SATB2: variants seen among roughly 807,000 people sequenced by gnomAD.
The protein encoded by SATB2 is DNA-binding protein SATB2.
In SATB2, 1 loss-of-function variant was observed where a neutral mutation model predicts 73.4. The observed-to-expected ratio is 0.01, with a 90% CI of 0.00 to 0.06. The LOEUF is 0.06. Ranked by LOEUF, SATB2 falls within the 10% of genes least tolerant of loss-of-function variation. The pLI is 1.00. For missense variants in SATB2, 459 were observed against 945.8 expected (o/e 0.49, Z 6.75); for synonymous variants, 397 against 367.0 (o/e 1.08, Z -0.93).
intron 3 of SATB2, 57 bp from the exon 4 acceptor site, chr2:199,381,877 A>G: frequency 6.3e-7 from 1 of 1,590,574 alleles, no homozygotes; most frequent in East Asian, 2.2e-5. Flanking sequence ...AAACCTTCCC[A>G]TTGTTTGTTC....
chr2:199,466,317 G>T (rs1692592442), upstream of SATB2, among the ~76,000 whole-genome samples: 1 of 152,190 alleles, frequency 6.6e-6, no homozygotes, highest in Non-Finnish European at 1.5e-5. Context: ...AATCTGAGCT[G>T]TGGGTGTACA....
In SATB2 at chr2:199,349,102, T is replaced by C. The variant is rs200074373; in HGVS notation, c.772A>G (p.Met258Val). 5 of 1,614,106 alleles carry C rather than the reference T, an allele frequency of 3.1e-6. No homozygotes were observed. The African/African-American group carries it at 4.0e-5, about 13-fold the overall frequency. The change falls in exon 7 of 11, where the codon ATG (methionine) becomes GTG (valine). Residue 258 changes from methionine (M) to valine (V), a missense_variant. Physicochemically the swap from Met to Val is conservative, Grantham distance 21. Transcript: ENST00000417098. Reference protein sequence around the residue: ...LGQRPMHLPNMNQLASLGKTN... With the variant: ...LGQRPMHLPNVNQLASLGKTN... ...TTCCCCAGGGATGCCAGCTGGTTCA[T>C]ATTTGGTAAATGCATTGGACGCTGG...
intron 9 of SATB2, among the ~76,000 whole-genome samples, chr2:199,313,333 G>A (rs2105775666): frequency 6.6e-6 from 1 of 152,284 alleles, no homozygotes; most frequent in South Asian, 2.1e-4. Context: ...GAGCCTAAGT[G>A]TAATAATACC....
intron 9 of SATB2, among the ~76,000 whole-genome samples, chr2:199,313,009 C>T (rs1395019384): frequency 6.6e-6 from 1 of 152,086 alleles, no homozygotes; most frequent in African/African-American, 2.4e-5. Flanking sequence ...ATGTGGTTGC[C>T]GGCTACGATC....
intron 6 of SATB2, among the ~76,000 whole-genome samples, chr2:199,359,699 T>C (rs1689083515): frequency 6.6e-6 from 1 of 152,192 alleles, no homozygotes; most frequent in Admixed American, 6.5e-5. Context: ...AAAATGGATA[T>C]GTTCCTGTGT....
rs572634532 is a variant in SATB2, at chr2:199,401,469, C to A, written c.347-19649G>T. On this transcript the variant is annotated intron_variant, in intron 3 of 10. Transcript: ENST00000417098. ...TAGGGAGCCTGAGGCAGGAGAATTG[C>A]TTGAACCCGGGAGGCGGAGGTTGCA... Among the ~76,000 whole-genome samples, 146 of 151,456 alleles carry A rather than the reference C, an allele frequency of 9.6e-4. 2 individuals are homozygous for A. The highest frequency in any genetic ancestry group is 3.2e-3 in the African/African-American group (134 of 41,306).
intron 10 of SATB2, among the ~76,000 whole-genome samples, chr2:199,275,001 T>C (rs558368766): frequency 2.6e-5 from 4 of 152,100 alleles, no homozygotes; most frequent in Non-Finnish European, 5.9e-5. Flanking sequence ...ATGTGCAAAG[T>C]ATATACTGGA....
intron 3 of SATB2, among the ~76,000 whole-genome samples, chr2:199,403,322 A>G (rs1690536837): frequency 6.6e-6 from 1 of 150,920 alleles, no homozygotes; most frequent in Non-Finnish European, 1.5e-5. Flanking sequence ...ATTGTATTGT[A>G]TAATATTGTA....
At chr2:199,281,309 C>T (rs913873038) in intron 10 of SATB2, among the ~76,000 whole-genome samples, 9 of 149,664 alleles carry the variant, frequency 6.0e-5, no homozygotes, top group Middle Eastern at 3.6e-3. Context: ...TATGAGAAAT[C>T]ATTAAGGAGG....
At position 199,433,417 on chromosome 2, in the gene SATB2, T is replaced by C. The variant is rs991579763; in HGVS notation, c.267A>G (p.Lys89=). The part of the protein sequence containing the change: ...EEHAEFVLVR[K]DVLFSQLVET... ...CCACCAGCTGGCTAAAAAGCACATC[T>C]TTCCGCACCAGGACAAACTCGGCGT... The change falls in exon 3 of 11, where the codon AAA becomes AAG. Residue 89 remains lysine, a synonymous_variant. Coordinates refer to ENST00000417098, the MANE Select transcript of SATB2 (RefSeq NM_001172509.2). 22 of 1,614,048 alleles carry C rather than the reference T, an allele frequency of 1.4e-5. No homozygotes were observed. The highest frequency in any genetic ancestry group is 1.8e-5 in the Non-Finnish European group (21 of 1,180,034).
intron 6 of SATB2, among the ~76,000 whole-genome samples, chr2:199,351,029 CA>C (rs35503848): frequency 0.015 from 1,111 of 71,724 alleles, 8 homozygotes; most frequent in African/African-American, 0.045. Context: ...ACTCTGTCTC[CA>C]AAAAAAAAAA....
At chr2:199,279,163 A>G (rs1376219381) in intron 10 of SATB2, among the ~76,000 whole-genome samples, 1 of 152,244 alleles carries the variant, frequency 6.6e-6, no homozygotes, top group African/African-American at 2.4e-5. Context: ...AGTTGTAAAT[A>G]TACTCAAAAG....
At chr2:199,460,014 A>T (rs1278880796), upstream of SATB2, 3 of 152,214 alleles carry the variant, frequency 2.0e-5, no homozygotes, top group Admixed American at 6.5e-5. This position sits in a 1 kb window ranked among gnomAD's most constrained non-coding sequence, Gnocchi z 4.0. Flanking sequence ...GTTCCAAAGA[A>T]GTCCGAGGCG....
In SATB2 at chr2:199,342,135, C is replaced by T. The variant is rs193015838; in HGVS notation, c.1173+6566G>A. Among the ~76,000 whole-genome samples the T allele has an allele frequency of 5.0e-4, 76 of 152,226 alleles. 5 individuals are homozygous for T. The East Asian group carries it at 5.6e-3, about 11-fold the overall frequency. On this transcript the variant is annotated intron_variant, in intron 7 of 10. Coordinates refer to ENST00000417098, the MANE Select transcript of SATB2 (RefSeq NM_001172509.2). ...GTTAACGGAAAAGCCTAACAGCAGA[C>T]GCAGGCTTTCAGAAGTAAAACCATG...
intron 3 of SATB2, among the ~76,000 whole-genome samples, chr2:199,398,827 T>A (rs183438141): frequency 4.6e-5 from 7 of 152,208 alleles, no homozygotes; most frequent in Admixed American, 2.6e-4. Context: ...AGTGTGGAAA[T>A]AAAAAAATAA....
chr2:199,419,098 G>T (rs1691088397), intron 3 of SATB2, among the ~76,000 whole-genome samples: 1 of 152,132 alleles, frequency 6.6e-6, no homozygotes, highest in African/African-American at 2.4e-5. Flanking sequence ...AACTATTTTG[G>T]TTCCACACAT....
At chr2:199,397,439 A>AT (rs1183414926) in intron 3 of SATB2, 1 of 152,766 alleles carries the variant, frequency 6.5e-6, no homozygotes, top group East Asian at 1.9e-4. Context: ...ACAATAATGA[A>AT]TAGTAACTAA....
chr2:199,409,622 C>T (rs950251020), intron 3 of SATB2, among the ~76,000 whole-genome samples: 13 of 151,146 alleles, frequency 8.6e-5, no homozygotes, highest in East Asian at 1.9e-4. Context: ...ATATTTTCAA[C>T]GCCTTACTTT....
intron 7 of SATB2, among the ~76,000 whole-genome samples, chr2:199,337,700 G>A (rs931019292): frequency 2.0e-5 from 3 of 152,184 alleles, no homozygotes. Context: ...AAATTCTGCA[G>A]TCTATACTGA....
Sources: allele counts gnomAD v4.1 joint callset (sites outside exome capture counted in the v4.1 genomes callset), GRCh38; gene constraint gnomAD v4.1.1; non-coding constraint Gnocchi (gnomAD v3.1); transcripts MANE v1.5; gene names NCBI Gene and HGNC (gene_info 2026-07-23, HGNC 2026-07-21).